Variants in DENND6A observed in about 807,000 individuals in gnomAD.
The protein encoded by DENND6A is DENN domain containing 6A.
DENND6A carries 43 observed loss-of-function variants against 95.5 expected under a neutral mutation model. The ratio of observed to expected loss-of-function variants is 0.45; its 90% CI spans 0.35 to 0.58. The LOEUF is 0.58. DENND6A is among the 20% of genes least tolerant of loss of function. DENND6A has a pLI of 0.00. For missense variants in DENND6A, 574 were observed against 736.0 expected, an observed-to-expected ratio of 0.78 and a Z score of 2.55; for synonymous variants, 257 against 260.4, an observed-to-expected ratio of 0.99 and a Z score of 0.13.
At chr3:57,689,750 C>T (rs976515014) in intron 1 of DENND6A, among the ~76,000 whole-genome samples, 1 of 152,096 alleles carries the variant, frequency 6.6e-6, no homozygotes, top group Non-Finnish European at 1.5e-5. Context: ...TGGCTAAAAA[C>T]GTTAGCTTCT....
At chr3:57,664,782 G>C (rs1363009141) in intron 4 of DENND6A, among the ~76,000 whole-genome samples, 1 of 152,156 alleles carries the variant, frequency 6.6e-6, no homozygotes, top group Non-Finnish European at 1.5e-5. Context: ...GCAGTGAGCT[G>C]AGATCACGCC....
intron 4 of DENND6A, 81 bp from the exon 5 acceptor site, chr3:57,663,797 T>C (rs1228743235): frequency 2.6e-6 from 2 of 770,668 alleles, no homozygotes; most frequent in Non-Finnish European, 3.9e-6. Context: ...CTATATCTTT[T>C]AATATTAACA....
At chr3:57,645,843 T>C in intron 10 of DENND6A, 87 bp from the exon 11 acceptor site, 1 of 916,372 alleles carries the variant, frequency 1.1e-6, no homozygotes. Context: ...ACAAACGGTA[T>C]ACACACAAAG....
intron 1 of DENND6A, among the ~76,000 whole-genome samples, chr3:57,687,583 C>G (rs1370457497): frequency 6.6e-6 from 1 of 152,146 alleles, no homozygotes; most frequent in East Asian, 1.9e-4. Flanking sequence ...GAAGACTATG[C>G]CCTCTAAGAC....
At chr3:57,666,011 T>C in intron 4 of DENND6A, 112 bp downstream of exon 4, 1 of 785,440 alleles carries the variant, frequency 1.3e-6, no homozygotes, top group South Asian at 1.8e-5. Context: ...AGCTATATAA[T>C]ATAGTAGCAA....
At chr3:57,666,705 T>C (rs2071529259) in intron 3 of DENND6A, among the ~76,000 whole-genome samples, 1 of 152,218 alleles carries the variant, frequency 6.6e-6, no homozygotes, top group African/African-American at 2.4e-5. Context: ...TAAGAAAGGA[T>C]AGTGGTTACA....
At chr3:57,686,480 T>C (rs2077212705) in intron 1 of DENND6A, among the ~76,000 whole-genome samples, 1 of 152,250 alleles carries the variant, frequency 6.6e-6, no homozygotes, top group Non-Finnish European at 1.5e-5. Flanking sequence ...TGCTTTGCAG[T>C]TACCAGTTTC....
intron 3 of DENND6A, among the ~76,000 whole-genome samples, chr3:57,668,369 C>T (rs1384178887): frequency 1.3e-5 from 2 of 152,156 alleles, no homozygotes; most frequent in African/African-American, 4.8e-5. Context: ...ATCATTGCTT[C>T]AAACTCTCTC....
At chr3:57,646,242 G>A (rs2071077419) in intron 10 of DENND6A, 74 bp downstream of exon 10, 2 of 1,535,862 alleles carry the variant, frequency 1.3e-6, no homozygotes, top group East Asian at 2.3e-5. Flanking sequence ...GGGAAGTGCT[G>A]CAAATATCAC....
intron 12 of DENND6A, among the ~76,000 whole-genome samples, chr3:57,636,770 C>A (rs895024972): frequency 6.6e-6 from 1 of 151,774 alleles, no homozygotes; most frequent in African/African-American, 2.4e-5. Flanking sequence ...AGCCCTGTCT[C>A]CACTAAAAAT....
Position 57,661,544 on chromosome 3 carries a change from A to C in DENND6A, c.521T>G (p.Val174Gly), listed in dbSNP as rs2071424279. ...LKRGYFQKSL[V>G]LISKLPYIHF... ...AATATAAGGTAGTTTGCTGATCAAA[A>C]CCAAGGACTGAGGAAAAAACAAAAA... The change falls in exon 6 of 20, where the codon GTT becomes GGT. Residue 174 changes from valine to glycine, a missense_variant. Physicochemically the swap from Val to Gly is moderately radical, Grantham distance 109 (BLOSUM62 -3). Around this residue, in one of 2 missense-constraint regions of DENND6A, gnomAD observed 452 missense variants for 630.9 expected, o/e 0.72. Coordinates refer to ENST00000311128, the MANE Select transcript of DENND6A (RefSeq NM_152678.3). 6.3e-7 allele frequency: 1 copy of C among 1,577,070 alleles called. No homozygotes were observed. The highest frequency in any genetic ancestry group is 1.4e-5 in the African/African-American group (1 of 72,480).
intron 12 of DENND6A, among the ~76,000 whole-genome samples, chr3:57,637,542 T>TACTGA (rs1338133669): frequency 1.3e-5 from 2 of 152,124 alleles, no homozygotes; most frequent in African/African-American, 2.4e-5. Flanking sequence ...ATTTTTTTTT[T>TACTGA]CCTTGTAGAA....
At position 57,646,309 on chromosome 3, in the gene DENND6A, G is replaced by T; in HGVS notation, c.941+7C>A. ...AAAACCCAGAAATAGTAACCAAATAGACTCACTTAACAAGTGCCAATACAG... is the reference window on the plus strand; with the variant it reads ...AAAACCCAGAAATAGTAACCAAATATACTCACTTAACAAGTGCCAATACAG... On this transcript the variant is annotated splice_region_variant and intron_variant, in intron 10 of 19. Transcript: ENST00000311128. 1 of 1,599,460 alleles carries T rather than the reference G, an allele frequency of 6.3e-7. No homozygotes were observed. Among genetic ancestry groups the T allele is most frequent in the South Asian group, 1.1e-5 (1 of 87,084 alleles).
intron 9 of DENND6A, chr3:57,654,928 CAAAT>C (rs1399864355): frequency 8.0e-5 from 27 of 338,002 alleles, no homozygotes; most frequent in Non-Finnish European, 9.6e-5. Context: ...AGCACAGTCA[CAAAT>C]AAAGCATTAA....
Position 57,663,402 on chromosome 3 carries a change from T to G in DENND6A, c.513+234A>C, listed in dbSNP as rs1286502382. ...TTGCTTGAACCCAGGAGGCAGAGGT[T>G]GCAGTCAGCCGAGATCGTGCCTCTG... On this transcript the variant is annotated intron_variant, in intron 5 of 19. Transcript: ENST00000311128. Among the ~76,000 whole-genome samples, 3 of 134,776 alleles carry G rather than the reference T, an allele frequency of 2.2e-5. No individual in the cohort carries two copies. In the East Asian group the frequency reaches 7.1e-4, roughly 32 times the overall value. 88.4% of individuals were successfully genotyped at this position (134,776 alleles called of 152,430 possible).
In DENND6A at chr3:57,631,309, G is replaced by A. The variant is rs1180761507; in HGVS notation, c.1354-331C>T. 6 of 199,390 alleles carry A rather than the reference G, an allele frequency of 3.0e-5. No homozygotes were observed. The South Asian group carries it at 3.0e-4, about 10-fold the overall frequency. 12.4% of individuals were successfully genotyped at this position (199,390 alleles called of 1,614,324 possible). ...CCCCCCGGGTTCAAGCGATTCTCCC[G>A]CCTCAGTCTCCCAAGCAGCTGGGAT... is the stretch of plus-strand genomic sequence containing the variant. On this transcript the variant is annotated intron_variant, in intron 15 of 19. Coordinates refer to ENST00000311128, the MANE Select transcript of DENND6A (RefSeq NM_152678.3).
At chr3:57,628,949 AT>A in intron 18 of DENND6A, 64 bp from the exon 19 acceptor site, 1 of 1,434,244 alleles carries the variant, frequency 7.0e-7, no homozygotes, top group Non-Finnish European at 9.6e-7. Context: ...CTCTATTTCA[AT>A]AGGTAAGGCT....
At chr3:57,648,723 G>A (rs1000358219) in intron 9 of DENND6A, among the ~76,000 whole-genome samples, 3 of 152,126 alleles carry the variant, frequency 2.0e-5, no homozygotes, top group Non-Finnish European at 2.9e-5. Flanking sequence ...AATGCTTACA[G>A]TCAACTGATC....
intron 1 of DENND6A, among the ~76,000 whole-genome samples, chr3:57,692,229 C>CAAAA (rs11303769): frequency 1.9e-4 from 14 of 72,842 alleles, no homozygotes; most frequent in Non-Finnish European, 2.3e-4. Context: ...AACTCCGTCT[C>CAAAA]AAAAAAAAAA....
Sources: allele counts gnomAD v4.1 joint callset (sites outside exome capture counted in the v4.1 genomes callset), GRCh38; gene constraint gnomAD v4.1.1; regional missense constraint gnomAD v4.1.1; transcripts MANE v1.5; gene names NCBI Gene and HGNC (gene_info 2026-07-23, HGNC 2026-07-21).